The following LHFPL3 variants were observed in gnomAD, a reference collection of about 807,000 sequenced individuals.
LHFPL3 encodes LHFPL tetraspan subfamily member 3 protein.
LHFPL3 carries 5 observed loss-of-function variants against 19.3 expected under a neutral mutation model. The ratio of observed to expected loss-of-function variants is 0.26; its 90% confidence interval spans 0.14 to 0.54. The LOEUF is 0.54. Among genes scored for constraint, LHFPL3 ranks in the 20% least tolerant of loss-of-function variants. LHFPL3 has a pLI of 0.94. For missense variants in LHFPL3, 249 were observed against 307.4 expected (o/e 0.81, Z 1.42); for synonymous variants, 133 against 126.2 (o/e 1.05, Z -0.36).
chr7:104,413,008 G>A (rs190267380), intron 1 of LHFPL3, among the ~76,000 whole-genome samples: 60 of 152,284 alleles, frequency 3.9e-4, no homozygotes, highest in Admixed American at 6.5e-4. Context: ...CAGAATAAGG[G>A]ACAGAATGGA....
chr7:104,472,507 T>C (rs1792931583), intron 1 of LHFPL3, among the ~76,000 whole-genome samples: 1 of 152,200 alleles, frequency 6.6e-6, no homozygotes. Context: ...ATCACTACTA[T>C]AGCATCCTCA....
At chr7:104,375,100 A>T (rs1790685174) in intron 1 of LHFPL3, among the ~76,000 whole-genome samples, 1 of 152,218 alleles carries the variant, frequency 6.6e-6, no homozygotes, top group South Asian at 2.1e-4. Flanking sequence ...ACACTTTGGG[A>T]GGCCAAGGCG....
intron 1 of LHFPL3, among the ~76,000 whole-genome samples, chr7:104,710,479 A>G (rs765904256): frequency 3.9e-5 from 6 of 152,274 alleles, no homozygotes; most frequent in Non-Finnish European, 8.8e-5. Context: ...TTCTAATTTT[A>G]CTGTCAGAGG....
At chr7:104,605,190 C>A (rs983439285) in intron 1 of LHFPL3, among the ~76,000 whole-genome samples, 7 of 152,248 alleles carry the variant, frequency 4.6e-5, no homozygotes, top group Admixed American at 2.0e-4. Context: ...AGTTGTTAAA[C>A]CTTTGACTGA....
chr7:104,552,775 A>G (rs955654470), intron 1 of LHFPL3, among the ~76,000 whole-genome samples: 1 of 152,216 alleles, frequency 6.6e-6, no homozygotes, highest in Non-Finnish European at 1.5e-5. Context: ...GCTGATTGTA[A>G]TTTACAGAAT....
intron 2 of LHFPL3, among the ~76,000 whole-genome samples, chr7:104,769,366 T>G (rs965344124): frequency 8.5e-5 from 13 of 152,186 alleles, no homozygotes; most frequent in Admixed American, 6.5e-4. Context: ...AATTCTCAAG[T>G]GTAGGATTGT....
At chr7:104,775,207 C>T (rs1794618772) in intron 2 of LHFPL3, among the ~76,000 whole-genome samples, 1 of 152,194 alleles carries the variant, frequency 6.6e-6, no homozygotes, top group Non-Finnish European at 1.5e-5. Context: ...GCCTGGCCAA[C>T]ATGGTGAAAC....
At chr7:104,509,498 T>C (rs1050516903) in intron 1 of LHFPL3, among the ~76,000 whole-genome samples, 5 of 152,096 alleles carry the variant, frequency 3.3e-5, no homozygotes, top group Admixed American at 1.3e-4. Context: ...ATTGTATCAA[T>C]AGCTATAGAA....
intron 2 of LHFPL3, among the ~76,000 whole-genome samples, chr7:104,891,109 A>AT (rs1401009979): frequency 1.3e-5 from 2 of 151,606 alleles, no homozygotes; most frequent in Non-Finnish European, 2.9e-5. Context: ...AGAGACATCT[A>AT]GTTGCCAAAT....
At chr7:104,625,778 G>A (rs993907267) in intron 1 of LHFPL3, among the ~76,000 whole-genome samples, 3 of 152,078 alleles carry the variant, frequency 2.0e-5, no homozygotes, top group South Asian at 2.1e-4. Flanking sequence ...AAATTTTTAC[G>A]AATTTTTTAA....
At chr7:104,593,090 G>A (rs1299105774) in intron 1 of LHFPL3, among the ~76,000 whole-genome samples, 3 of 152,134 alleles carry the variant, frequency 2.0e-5, no homozygotes, top group Non-Finnish European at 4.4e-5. Context: ...GCTTTTGGAT[G>A]TGCTTGCTCT....
intron 1 of LHFPL3, among the ~76,000 whole-genome samples, chr7:104,462,839 C>A (rs1792698429): frequency 6.6e-6 from 1 of 152,100 alleles, no homozygotes; most frequent in Non-Finnish European, 1.5e-5. Context: ...TGTACATCTA[C>A]TAGAATTCGG....
chr7:104,640,924 A>T (rs1402177066), intron 1 of LHFPL3, among the ~76,000 whole-genome samples: 4 of 152,234 alleles, frequency 2.6e-5, no homozygotes, highest in Non-Finnish European at 4.4e-5. Flanking sequence ...ATATTGAACA[A>T]AAAAGTTACG....
chr7:104,590,150 G>T (rs1790678720), intron 1 of LHFPL3, among the ~76,000 whole-genome samples: 1 of 152,032 alleles, frequency 6.6e-6, no homozygotes, highest in South Asian at 2.1e-4. Flanking sequence ...CTTGCCTTCT[G>T]CTAGCTTTTG....
intron 2 of LHFPL3, among the ~76,000 whole-genome samples, chr7:104,869,802 T>A (rs947172726): frequency 6.6e-5 from 10 of 152,280 alleles, no homozygotes; most frequent in East Asian, 5.8e-4. Context: ...GTATGTTTAT[T>A]GCGGCACTAT....
Position 104,377,422 on chromosome 7 carries a change from A to G in LHFPL3, c.445+48198A>G, listed in dbSNP as rs189933495. Among the ~76,000 whole-genome samples the G allele has an allele frequency of 5.3e-5, 8 of 152,362 alleles. No homozygotes were observed. The East Asian group carries it at 1.5e-3, about 29-fold the overall frequency. ...AAGAGAAACCAGGTTTCAATGTATC[A>G]CAAAAGCACACATAAGTAGGAGGAA... On this transcript the variant is annotated intron_variant, in intron 1 of 2. Transcript: ENST00000424859.
intron 2 of LHFPL3, among the ~76,000 whole-genome samples, chr7:104,770,636 A>G (rs1359511150): frequency 1.3e-5 from 2 of 152,174 alleles, no homozygotes; most frequent in African/African-American, 4.8e-5. Context: ...CACTCATCCA[A>G]TTATCCCCTC....
intron 1 of LHFPL3, among the ~76,000 whole-genome samples, chr7:104,698,561 CAT>C (rs1357199041): frequency 1.3e-5 from 2 of 152,306 alleles, no homozygotes; most frequent in Non-Finnish European, 2.9e-5. Context: ...ATTTCCAAAT[CAT>C]GTGTATGATA....
At chr7:104,674,311 A>G (rs1356996549) in intron 1 of LHFPL3, among the ~76,000 whole-genome samples, 1 of 150,918 alleles carries the variant, frequency 6.6e-6, no homozygotes, top group African/African-American at 2.4e-5. Context: ...TCTACAATAT[A>G]TTTGACCATT....
Sources: allele counts gnomAD v4.1 joint callset (sites outside exome capture counted in the v4.1 genomes callset), GRCh38; gene constraint gnomAD v4.1.1; transcripts MANE v1.5; gene names NCBI Gene and HGNC (gene_info 2026-07-23, HGNC 2026-07-21).